DCC: variants seen among roughly 807,000 people sequenced by gnomAD.
The protein encoded by DCC is DCC netrin 1 receptor.
DCC carries 58 observed loss-of-function variants against 172.5 expected under a neutral mutation model. The ratio of observed to expected loss-of-function variants is 0.34; its 90% CI spans 0.27 to 0.42. The LOEUF (loss-of-function observed/expected upper bound fraction) is 0.42. DCC is among the 10% of genes least tolerant of loss of function. DCC has a pLI of 1.00. For missense variants in DCC, 1,740 were observed against 1,791.0 expected (o/e 0.97, Z 0.51); for synonymous variants, 709 against 644.5 (o/e 1.10, Z -1.52).
At chr18:52,901,632 G>A (rs979865379) in intron 2 of DCC, among the ~76,000 whole-genome samples, 1 of 152,128 alleles carries the variant, frequency 6.6e-6, no homozygotes, top group Non-Finnish European at 1.5e-5. Flanking sequence ...CCTCTAGCTT[G>A]TTAAATAATG....
At chr18:52,756,643 C>T (rs972075094) in intron 2 of DCC, among the ~76,000 whole-genome samples, 4 of 152,188 alleles carry the variant, frequency 2.6e-5, no homozygotes, top group African/African-American at 9.7e-5. Flanking sequence ...ATGAGCATTT[C>T]TTCATTCCTT....
chr18:52,430,924 C>T (rs963879235), intron 1 of DCC, among the ~76,000 whole-genome samples: 12 of 152,080 alleles, frequency 7.9e-5, no homozygotes, highest in African/African-American at 2.9e-4. Context: ...TCTTTTAATG[C>T]CCAAACCTTT....
At position 53,173,664 on chromosome 18, in the gene DCC, C is replaced by T. The variant is rs541692183; in HGVS notation, c.1419-5298C>T. ...TATATATGCACCCAATACAGGAGCA[C>T]CAAGATTCATAAAGCAAGTCCTGAG... is the stretch of plus-strand genomic sequence containing the variant. On this transcript the variant is annotated intron_variant, in intron 8 of 28. Coordinates refer to ENST00000442544, the MANE Select transcript of DCC (RefSeq NM_005215.4). Among the ~76,000 whole-genome samples, 46 of 151,780 alleles carry T rather than the reference C, an allele frequency of 3.0e-4. No individual in the cohort carries two copies. The East Asian group carries it at 8.2e-3, about 27-fold the overall frequency.
chr18:52,662,363 G>T (rs1817574271), intron 1 of DCC, among the ~76,000 whole-genome samples: 1 of 152,038 alleles, frequency 6.6e-6, no homozygotes, highest in Non-Finnish European at 1.5e-5. Flanking sequence ...ATCCAATAAG[G>T]ATATGAATTT....
intron 20 of DCC, among the ~76,000 whole-genome samples, chr18:53,413,977 C>T (rs1910146978): frequency 6.6e-6 from 1 of 152,136 alleles, no homozygotes; most frequent in South Asian, 2.1e-4. Context: ...CCATAAGCTA[C>T]ATATAATGCA....
intron 2 of DCC, among the ~76,000 whole-genome samples, chr18:52,781,834 A>G (rs1203276851): frequency 2.0e-5 from 3 of 152,050 alleles, no homozygotes; most frequent in Admixed American, 2.0e-4. Context: ...ATACCCATCT[A>G]TTTATATGTG....
intron 27 of DCC, among the ~76,000 whole-genome samples, chr18:53,522,179 G>T (rs2046405890): frequency 6.6e-6 from 1 of 151,936 alleles, no homozygotes. Context: ...AATTTCACAT[G>T]CTGGGTTATC....
intron 2 of DCC, among the ~76,000 whole-genome samples, chr18:52,825,292 CCTAA>C (rs565812672): frequency 9.2e-5 from 14 of 152,148 alleles, no homozygotes; most frequent in African/African-American, 3.4e-4. Context: ...CATGATTCTG[CCTAA>C]CTAATAAGGT....
At chr18:53,462,068 AGAG>A (rs2045566109) in intron 24 of DCC, among the ~76,000 whole-genome samples, 1 of 152,168 alleles carries the variant, frequency 6.6e-6, no homozygotes, top group Non-Finnish European at 1.5e-5. Context: ...GTGAGGATAA[AGAG>A]AAGAAAGTAC....
intron 2 of DCC, among the ~76,000 whole-genome samples, chr18:52,789,732 T>G (rs1255957785): frequency 6.6e-6 from 1 of 152,158 alleles, no homozygotes; most frequent in South Asian, 2.1e-4. Flanking sequence ...AAAGGAGATC[T>G]GACCCAAACA....
chr18:52,356,970 A>C (rs1326227788), intron 1 of DCC, among the ~76,000 whole-genome samples: 2 of 152,084 alleles, frequency 1.3e-5, no homozygotes, highest in Non-Finnish European at 2.9e-5. Flanking sequence ...TTTTTAGTAG[A>C]GACAGGGTTT....
At position 52,340,878 on chromosome 18, in the gene DCC, G is replaced by A. The variant is rs781446021; in HGVS notation, c.91G>A (p.Gly31Ser). Residue 31 changes from glycine (G) to serine (S), a missense_variant and splice_region_variant, in exon 1 of 29, where the codon GGT (glycine) becomes AGT (serine). Gly to Ser is a moderately conservative substitution (Grantham distance 56). Coordinates refer to ENST00000442544, the MANE Select transcript of DCC (RefSeq NM_005215.4). ...GTTCAGCGCGCATCTTCAAGTAACCGGTAAGTGGCTCTTTCCTTTCTTCTC... is the reference window on the plus strand; with the variant it reads ...GTTCAGCGCGCATCTTCAAGTAACCAGTAAGTGGCTCTTTCCTTTCTTCTC... The part of the protein sequence containing the change: ...SLFSAHLQVT[G>S]FQIKAFTALR... The A allele has an allele frequency of 1.9e-6, 3 of 1,610,736 alleles. No individual in the cohort carries two copies. Among genetic ancestry groups the A allele is most frequent in the South Asian group, 1.1e-5 (1 of 91,006 alleles).
At position 53,140,352 on chromosome 18, in the gene DCC, G is replaced by A. The variant is rs189836975; in HGVS notation, c.1262-17004G>A. Among the ~76,000 whole-genome samples the A allele has an allele frequency of 3.5e-3, 533 of 152,216 alleles. 2 individuals carry two copies. Among genetic ancestry groups the A allele is most frequent in the African/African-American group, 0.012 (511 of 41,526 alleles). Reference sequence around the variant, plus strand: ...GGTAGAGGTGAAAATGAATTCTTTCGCAGAAATTATCTTGCCATATTTTAG... The same window carrying A: ...GGTAGAGGTGAAAATGAATTCTTTCACAGAAATTATCTTGCCATATTTTAG... On this transcript the variant is annotated intron_variant, in intron 7 of 28. Transcript: ENST00000442544.
chr18:52,876,887 T>G (rs2039411537), intron 2 of DCC, among the ~76,000 whole-genome samples: 1 of 152,204 alleles, frequency 6.6e-6, no homozygotes, highest in African/African-American at 2.4e-5. Flanking sequence ...TATCATCTCT[T>G]GTCGCAGACC....
intron 13 of DCC, among the ~76,000 whole-genome samples, chr18:53,313,803 C>G (rs1040982066): frequency 4.6e-5 from 7 of 152,262 alleles, no homozygotes; most frequent in Non-Finnish European, 1.0e-4. Flanking sequence ...CAGCAAGAGA[C>G]AGAACAGAGT....
chr18:53,242,782 A>G (rs369879754), intron 12 of DCC, among the ~76,000 whole-genome samples: 2 of 152,100 alleles, frequency 1.3e-5, no homozygotes, highest in African/African-American at 4.8e-5. Flanking sequence ...CACATTATCC[A>G]ATCTTTCACA....
chr18:52,389,572 T>C (rs901775733), intron 1 of DCC, among the ~76,000 whole-genome samples: 1 of 152,144 alleles, frequency 6.6e-6, no homozygotes, highest in Non-Finnish European at 1.5e-5. Flanking sequence ...TAATACTTTA[T>C]ATGGTAACAT....
chr18:52,368,192 G>A (rs989971302), intron 1 of DCC, among the ~76,000 whole-genome samples: 9 of 152,156 alleles, frequency 5.9e-5, no homozygotes, highest in African/African-American at 1.7e-4. Flanking sequence ...GAGTAGTCAC[G>A]AGGTGCAATC....
intron 1 of DCC, among the ~76,000 whole-genome samples, chr18:52,360,106 C>A (rs1984554159): frequency 6.6e-6 from 1 of 152,100 alleles, no homozygotes. Flanking sequence ...CACATTAATT[C>A]TTGCAATGTT....
Sources: gnomAD v4.1 joint callset for allele counts (sites outside exome capture counted in the v4.1 genomes callset) on GRCh38, gnomAD v4.1.1 for gene constraint, MANE v1.5 for transcripts, NCBI Gene and HGNC (gene_info 2026-07-23, HGNC 2026-07-21) for gene names.